C2CD3: variants seen among roughly 807,000 people sequenced by gnomAD.
C2CD3 encodes C2 domain-containing protein 3.
C2CD3 carries 148 observed loss-of-function variants against 234.0 expected under a neutral mutation model. The observed-to-expected ratio is 0.63, with a 90% confidence interval of 0.55 to 0.72. C2CD3 has a LOEUF of 0.72. Ranked by LOEUF, C2CD3 falls within the 30% of genes least tolerant of loss-of-function variation. The pLI is 0.00. For missense variants in C2CD3, 2,577 were observed against 2,811.5 expected, an observed-to-expected ratio of 0.92 and a Z score of 1.89; for synonymous variants, 1,000 against 1,035.4, an observed-to-expected ratio of 0.97 and a Z score of 0.66.
At chr11:74,034,383 G>A in intron 30 of C2CD3, 105 bp from the exon 31 acceptor site, 1 of 1,487,142 alleles carries the variant, frequency 6.7e-7, no homozygotes, top group Non-Finnish European at 8.9e-7. Flanking sequence ...ATCAGACTCT[G>A]AACAAACCAT....
intron 22 of C2CD3, among the ~76,000 whole-genome samples, chr11:74,083,108 G>A (rs984466202): frequency 5.9e-5 from 9 of 151,978 alleles, no homozygotes; most frequent in African/African-American, 2.2e-4. Context: ...TTGACCAATA[G>A]ACAGAACAGA....
intron 14 of C2CD3, among the ~76,000 whole-genome samples, chr11:74,102,300 C>T (rs1018230289): frequency 3.3e-5 from 5 of 152,174 alleles, no homozygotes; most frequent in Non-Finnish European, 5.9e-5. Flanking sequence ...CTTTCATTTA[C>T]ACATCTTTAT....
At chr11:74,108,351 A>G (rs558353738) in intron 12 of C2CD3, among the ~76,000 whole-genome samples, 12 of 152,234 alleles carry the variant, frequency 7.9e-5, no homozygotes, top group Admixed American at 6.5e-4. Flanking sequence ...AAAGAAAACA[A>G]GATGTTCTTC....
chr11:74,123,114 ATTGCC>A lies in C2CD3; in HGVS notation c.1234_1238del (p.Gly412PhefsTer17), dbSNP rs1565320459. The A allele has an allele frequency of 6.2e-7, 1 of 1,613,326 alleles. No homozygotes were observed. On this transcript the variant is annotated frameshift_variant, in exon 8 of 33. Transcript: ENST00000334126. LOFTEE classifies it high-confidence loss of function. The stretch of plus-strand genomic sequence containing the variant: ...GAGGAGAGCCTAGCCCATCCCAGAA[ATTGCC>A]TTGGGATAATTCAGCACTGCAGAGA...
intron 8 of C2CD3, among the ~76,000 whole-genome samples, chr11:74,121,433 C>T (rs909270400): frequency 1.1e-4 from 17 of 151,706 alleles, no homozygotes; most frequent in Admixed American, 6.6e-5. Flanking sequence ...ATGGTGAAGG[C>T]CTGTCTCTAA....
chr11:74,157,226 AT>A (rs1332008375), intron 3 of C2CD3, among the ~76,000 whole-genome samples: 1 of 152,260 alleles, frequency 6.6e-6, no homozygotes, highest in African/African-American at 2.4e-5. Flanking sequence ...TTTTCCCAAT[AT>A]TAAAAATGTA....
intron 32 of C2CD3, among the ~76,000 whole-genome samples, chr11:74,020,528 G>C (rs1431482041): frequency 1.3e-5 from 2 of 152,150 alleles, no homozygotes; most frequent in Non-Finnish European, 2.9e-5. Flanking sequence ...GAGTGGTTTG[G>C]AGTCCAGTGC....
At chr11:74,013,662 T>A (rs1951773376) in intron 32 of C2CD3, 137 bp from the exon 33 acceptor site, 4 of 461,818 alleles carry the variant, frequency 8.7e-6, no homozygotes, top group Non-Finnish European at 1.1e-5. Flanking sequence ...TTTACGTACC[T>A]TATCTTGCTT....
intron 23 of C2CD3, among the ~76,000 whole-genome samples, chr11:74,075,635 G>A (rs1234250042): frequency 6.6e-6 from 1 of 152,074 alleles, no homozygotes; most frequent in Non-Finnish European, 1.5e-5. Context: ...TTCAATTCAG[G>A]AAAATGGAGT....
rs575947567 is a variant in C2CD3, at chr11:74,169,651, G to T, written c.56-1038C>A. Among the ~76,000 whole-genome samples the T allele has an allele frequency of 2.0e-5, 3 of 152,148 alleles. 1 individual carries two copies. The highest frequency in any genetic ancestry group is 2.1e-4 in the South Asian group (1 of 4,818). ...TGTATACATTTCTACATATGGAAAT[G>T]GTATAGCAAAAAGTGTATTCTGTTC... is the stretch of plus-strand genomic sequence containing the variant. On this transcript the variant is annotated intron_variant, in intron 1 of 32. Coordinates refer to ENST00000334126, the MANE Select transcript of C2CD3 (RefSeq NM_001286577.2).
At chr11:74,065,955 C>T (rs1312108693) in intron 24 of C2CD3, among the ~76,000 whole-genome samples, 2 of 150,022 alleles carry the variant, frequency 1.3e-5, no homozygotes, top group Non-Finnish European at 3.0e-5. Context: ...AGGAGATATA[C>T]CCAAAGTAAA....
At chr11:74,072,288 A>C (rs796691803) in intron 24 of C2CD3, among the ~76,000 whole-genome samples, 5 of 152,346 alleles carry the variant, frequency 3.3e-5, no homozygotes, top group African/African-American at 1.2e-4. Context: ...ATCATTATGG[A>C]AGCTTATAAT....
chr11:74,119,552 G>T (rs1029676870), intron 8 of C2CD3, among the ~76,000 whole-genome samples: 5 of 152,008 alleles, frequency 3.3e-5, no homozygotes, highest in Non-Finnish European at 7.4e-5. Context: ...AGCATGTCAG[G>T]GGGTATAATG....
At chr11:74,169,494 T>C (rs2135579528) in intron 1 of C2CD3, among the ~76,000 whole-genome samples, 1 of 152,098 alleles carries the variant, frequency 6.6e-6, no homozygotes, top group South Asian at 2.1e-4. Flanking sequence ...AAGAAGAAAA[T>C]ATATGGAATG....
rs1956857853 is a variant in C2CD3 at position 74,114,455 on chromosome 11, A to G, written c.1659T>C (p.Asp553=). 1 of 1,614,060 alleles carries G rather than the reference A, an allele frequency of 6.2e-7. No homozygotes were observed. The highest frequency in any genetic ancestry group is 8.5e-7 in the Non-Finnish European group (1 of 1,179,968). ...IIIETMGVPP[D]SPQMTPGKKS... ...TTTTGCCAGGGGTCATCTGAGGACT[A>G]TCTGGAGGAACTCCCATGGTTTCGA... The change falls in exon 10 of 33, where the codon GAT becomes GAC. Residue 553 remains aspartate (D), a synonymous_variant. Transcript: ENST00000334126.
At chr11:74,070,414 C>G (rs1008192414) in intron 24 of C2CD3, 4 of 152,224 alleles carry the variant, frequency 2.6e-5, no homozygotes, top group Admixed American at 1.3e-4. Flanking sequence ...TAAGAAAGAG[C>G]TTCCAAGGCA....
At chr11:74,055,462 C>A (rs1953910871) in intron 25 of C2CD3, among the ~76,000 whole-genome samples, 2 of 152,186 alleles carry the variant, frequency 1.3e-5, no homozygotes, top group Admixed American at 1.3e-4. Flanking sequence ...AGATGGAGAT[C>A]TAGAGAAAAC....
chr11:74,049,606 G>T, intron 26 of C2CD3, 64 bp from the exon 27 acceptor site: 1 of 1,292,678 alleles, frequency 7.7e-7, no homozygotes, highest in South Asian at 1.2e-5. Flanking sequence ...AGATTAGAGG[G>T]TGCACACAGA....
intron 14 of C2CD3, among the ~76,000 whole-genome samples, chr11:74,102,292 T>C (rs1284527196): frequency 6.6e-6 from 1 of 152,234 alleles, no homozygotes; most frequent in Non-Finnish European, 1.5e-5. Flanking sequence ...AATTCATTCT[T>C]TCATTTACAC....
Sources: allele counts gnomAD v4.1 joint callset (sites outside exome capture counted in the v4.1 genomes callset), GRCh38; gene constraint gnomAD v4.1.1; transcripts MANE v1.5; gene names NCBI Gene and HGNC (gene_info 2026-07-23, HGNC 2026-07-21).